BLTP1: variants seen among roughly 807,000 people sequenced by gnomAD.
The protein encoded by BLTP1 is bridge-like lipid transfer protein family member 1.
the BLTP1 span, among the ~76,000 whole-genome samples, chr4:122,173,378 G>A: frequency 6.6e-6 from 1 of 152,126 alleles, no homozygotes; most frequent in African/African-American, 2.4e-5. Flanking sequence ...GGCACAGGGT[G>A]TCACATGGTG....
the BLTP1 span, chr4:122,208,395 T>A: frequency 6.1e-6 from 6 of 985,122 alleles, no homozygotes; most frequent in Non-Finnish European, 7.2e-6. Context: ...GTCATCAAGA[T>A]GAACAAAGAA....
the BLTP1 span, chr4:122,276,212 G>T: frequency 2.1e-6 from 1 of 473,442 alleles, no homozygotes; most frequent in Non-Finnish European, 3.3e-6. Context: ...CTGCTTTTTT[G>T]GTAATTCATA....
the BLTP1 span, among the ~76,000 whole-genome samples, chr4:122,210,422 C>T: frequency 2.0e-5 from 3 of 151,994 alleles, no homozygotes; most frequent in Admixed American, 6.6e-5. Context: ...GAATTAGAGC[C>T]AAATGATGAT....
At chr4:122,227,514 A>G in the BLTP1 span, 1 of 978,430 alleles carries the variant, frequency 1.0e-6, no homozygotes, top group South Asian at 4.7e-5. Flanking sequence ...TGGCTGTTTC[A>G]AAAGAGAAAA....
At chr4:122,261,692 G>A in the BLTP1 span, 1 of 984,734 alleles carries the variant, frequency 1.0e-6, no homozygotes, top group Admixed American at 6.2e-5. Context: ...TTAAAAATCT[G>A]GCTTTTTCCT....
chr4:122,277,653 G>A, the BLTP1 span: 3 of 968,080 alleles, frequency 3.1e-6, no homozygotes, highest in Admixed American at 6.2e-5. Context: ...TGCTCATTAT[G>A]AATCAGACTT....
chr4:122,247,594 A>G, the BLTP1 span: 1 of 1,167,806 alleles, frequency 8.6e-7, no homozygotes, highest in Non-Finnish European at 1.1e-6. Context: ...CCAAATTAGG[A>G]ACTTCTATTT....
At chr4:122,178,147 C>T in the BLTP1 span, 2 of 848,278 alleles carry the variant, frequency 2.4e-6, no homozygotes, top group Non-Finnish European at 2.8e-6. Flanking sequence ...CATAATAAAC[C>T]TAAAATATGA....
chr4:122,222,330 G>A, the BLTP1 span, among the ~76,000 whole-genome samples: 1 of 152,006 alleles, frequency 6.6e-6, no homozygotes, highest in Admixed American at 6.6e-5. Context: ...GTTTATCCTG[G>A]GTAGCATCAG....
chr4:122,356,887 C>T, the BLTP1 span: 3 of 1,443,568 alleles, frequency 2.1e-6, no homozygotes, highest in Non-Finnish European at 2.7e-6. Flanking sequence ...CAGTAAATAG[C>T]GTTAGTAAGA....
chr4:122,199,180 A>AC, the BLTP1 span: 4 of 310,832 alleles, frequency 1.3e-5, no homozygotes, highest in Non-Finnish European at 1.9e-5. Flanking sequence ...TTCCTTTAGA[A>AC]CATGAGAAGG....
At chr4:122,201,873 T>A in the BLTP1 span, 1 of 984,952 alleles carries the variant, frequency 1.0e-6, no homozygotes, top group Non-Finnish European at 1.2e-6. Context: ...TATACAAGCG[T>A]CTCATCGATG....
the BLTP1 span, among the ~76,000 whole-genome samples, chr4:122,302,578 C>G: frequency 6.6e-6 from 1 of 152,210 alleles, no homozygotes; most frequent in East Asian, 1.9e-4. Context: ...TTGCACATCT[C>G]TCACTTTCAA....
chr4:122,262,148 TTGTGTGTGTGTGTGTGTGTGTGTG>T, the BLTP1 span, among the ~76,000 whole-genome samples: 2 of 133,430 alleles, frequency 1.5e-5, no homozygotes, highest in African/African-American at 5.4e-5. Context: ...TACAGATCCT[TTGTGTGTGTGTGTGTGTGTGTGTG>T]TGTGTGTGTG....
the BLTP1 span, among the ~76,000 whole-genome samples, chr4:122,199,706 A>G: frequency 6.6e-6 from 1 of 152,178 alleles, no homozygotes; most frequent in Non-Finnish European, 1.5e-5. Flanking sequence ...AGAAGTTGTT[A>G]GAATATTGTT....
the BLTP1 span, chr4:122,238,478 A>G: frequency 3.0e-6 from 2 of 670,120 alleles, no homozygotes; most frequent in Non-Finnish European, 5.1e-6. Context: ...ATATCTGAAC[A>G]TATTTTGAAA....
the BLTP1 span, chr4:122,344,640 A>C: frequency 8.1e-7 from 1 of 1,230,820 alleles, no homozygotes; most frequent in Non-Finnish European, 1.2e-6. Flanking sequence ...TAGTGTTTAA[A>C]TATTAAGTCA....
the BLTP1 span, chr4:122,187,349 G>T: frequency 1.3e-6 from 2 of 1,564,770 alleles, no homozygotes; most frequent in Admixed American, 3.7e-5. Flanking sequence ...AAACTGTGAG[G>T]TATGGTATTG....
the BLTP1 span, among the ~76,000 whole-genome samples, chr4:122,157,647 T>A: frequency 6.6e-6 from 1 of 152,264 alleles, no homozygotes; most frequent in Admixed American, 6.5e-5. Flanking sequence ...CACAGACCAG[T>A]ACCAGTCTGC....
Sources: allele counts gnomAD v4.1 joint callset (sites outside exome capture counted in the v4.1 genomes callset), GRCh38; gene constraint gnomAD v4.1.1; transcripts MANE v1.5; gene names NCBI Gene and HGNC (gene_info 2026-07-23, HGNC 2026-07-21).